Variants in PTPRG observed in about 807,000 individuals in gnomAD.
PTPRG encodes the protein receptor-type tyrosine-protein phosphatase gamma.
Under a neutral mutation model 165.3 loss-of-function variants are expected in PTPRG, and 102 were observed. That is an observed-to-expected ratio of 0.62 (90% CI 0.53 to 0.73). The LOEUF (loss-of-function observed/expected upper bound fraction) is 0.73. PTPRG is among the 30% of genes least tolerant of loss of function. PTPRG has a pLI of 0.00. For synonymous variants in PTPRG, 675 were observed against 669.5 expected (o/e 1.01, Z -0.13); for missense variants, 1,866 against 1,861.4 (o/e 1.00, Z -0.05).
chr3:61,668,560 G>T (rs1358318644), intron 1 of PTPRG, among the ~76,000 whole-genome samples: 2 of 152,214 alleles, frequency 1.3e-5, no homozygotes, highest in East Asian at 3.8e-4. Context: ...CTCAAGGTTA[G>T]GTGGGGGGAG....
intron 6 of PTPRG, 143 bp from the exon 7 acceptor site, chr3:62,156,924 A>G (rs1346960422): frequency 3.2e-5 from 24 of 756,854 alleles, no homozygotes; most frequent in Non-Finnish European, 5.1e-5. Flanking sequence ...CTCTCCCACC[A>G]CCAAATGCTA....
intron 2 of PTPRG, among the ~76,000 whole-genome samples, chr3:61,886,349 T>G (rs73842117): frequency 5.6e-4 from 85 of 152,332 alleles, no homozygotes; most frequent in African/African-American, 1.9e-3. Context: ...CATTGAGTTT[T>G]CAAGTCTCAA....
chr3:62,230,328 T>C (rs1418787893), intron 13 of PTPRG, among the ~76,000 whole-genome samples: 1 of 152,224 alleles, frequency 6.6e-6, no homozygotes, highest in Non-Finnish European at 1.5e-5. Flanking sequence ...GTTAACAAAA[T>C]GTTAACTCCT....
intron 1 of PTPRG, among the ~76,000 whole-genome samples, chr3:61,744,536 G>T (rs2033122867): frequency 6.6e-6 from 1 of 152,076 alleles, no homozygotes. Context: ...ACACATAAAA[G>T]GTACAGTAAA....
At chr3:61,846,050 C>T (rs1414302788) in intron 2 of PTPRG, among the ~76,000 whole-genome samples, 2 of 152,122 alleles carry the variant, frequency 1.3e-5, no homozygotes, top group Admixed American at 6.5e-5. Flanking sequence ...AGTGCTTAAC[C>T]TTTGAAAGCC....
chr3:61,809,048 G>T (rs2035497875), intron 2 of PTPRG, among the ~76,000 whole-genome samples: 1 of 149,134 alleles, frequency 6.7e-6, no homozygotes, highest in African/African-American at 2.5e-5. Context: ...TGTAAAATGG[G>T]GGTAATATAA....
intron 16 of PTPRG, among the ~76,000 whole-genome samples, chr3:62,257,284 A>G (rs1701559151): frequency 6.6e-6 from 1 of 152,228 alleles, no homozygotes; most frequent in African/African-American, 2.4e-5. Flanking sequence ...AATAGGCTAC[A>G]TAAGAAGCTA....
intron 2 of PTPRG, among the ~76,000 whole-genome samples, chr3:61,799,707 A>G (rs1402073550): frequency 2.6e-5 from 4 of 152,148 alleles, no homozygotes; most frequent in Non-Finnish European, 1.5e-5. Context: ...TCCTGGACTG[A>G]GTTGGTATTT....
rs181521727 is a variant in PTPRG at position 61,744,318 on chromosome 3, G to A, written c.86-4560G>A. ...AAATTATGTGAGTGCCAGTAATAAT[G>A]ATAATTAGTCCTCAGACGCTTTTGT... On this transcript the variant is annotated intron_variant, in intron 1 of 29. Transcript: ENST00000474889. 2.7e-3 allele frequency among the ~76,000 whole-genome samples: 417 copies of A among 152,312 alleles called. 1 individual carries two copies. Among genetic ancestry groups the A allele is most frequent in the African/African-American group, 9.8e-3 (407 of 41,578 alleles).
intron 2 of PTPRG, among the ~76,000 whole-genome samples, chr3:61,961,383 G>A (rs1310363116): frequency 6.6e-6 from 1 of 152,170 alleles, no homozygotes; most frequent in Non-Finnish European, 1.5e-5. Context: ...ACATGTGGTT[G>A]CAGGACACAC....
At chr3:62,118,631 A>T (rs1295885727) in intron 5 of PTPRG, 1 of 152,248 alleles carries the variant, frequency 6.6e-6, no homozygotes, top group Admixed American at 6.5e-5. Flanking sequence ...TTTCCTTCTT[A>T]ATTCCATACC....
intron 2 of PTPRG, among the ~76,000 whole-genome samples, chr3:61,865,089 T>G (rs1044817548): frequency 3.9e-5 from 6 of 152,180 alleles, no homozygotes; most frequent in Admixed American, 3.9e-4. Flanking sequence ...CTGGAAGTCA[T>G]TTTTGCTGAT....
intron 14 of PTPRG, among the ~76,000 whole-genome samples, chr3:62,241,508 T>C (rs1701160097): frequency 6.6e-6 from 1 of 152,152 alleles, no homozygotes; most frequent in African/African-American, 2.4e-5. Flanking sequence ...GAAAATCCAT[T>C]ATAAACAGCA....
At chr3:61,953,735 C>T (rs1032593187) in intron 2 of PTPRG, among the ~76,000 whole-genome samples, 11 of 151,512 alleles carry the variant, frequency 7.3e-5, no homozygotes, top group African/African-American at 1.2e-4. Context: ...TCTTTCAGCA[C>T]GTCAGTCATA....
Position 62,273,727 on chromosome 3 carries a change from G to A in PTPRG, c.3348G>A (p.Leu1116=). ...EEQYIFIHDA[L]LEAILGKETE... Reference sequence around the variant, plus strand: ...AGTACATTTTCATCCATGATGCCTTGTTGGAAGCCATTCTTGGAAAGGAGA... The same window carrying A: ...AGTACATTTTCATCCATGATGCCTTATTGGAAGCCATTCTTGGAAAGGAGA... The change falls in exon 23 of 30, where the codon TTG becomes TTA. Residue 1116 remains leucine (L), a synonymous_variant. Transcript: ENST00000474889. The surrounding 1 kb of genome is among the most constrained non-coding windows in gnomAD (Gnocchi z 4.1). 1 of 1,613,722 alleles carries A rather than the reference G, an allele frequency of 6.2e-7. No homozygotes were observed. The highest frequency in any genetic ancestry group is 8.5e-7 in the Non-Finnish European group (1 of 1,179,746).
At chr3:62,260,804 GATGAC>G (rs1701672796) in intron 16 of PTPRG, 1 of 152,152 alleles carries the variant, frequency 6.6e-6, no homozygotes, top group Non-Finnish European at 1.5e-5. Context: ...AGGAATTACA[GATGAC>G]ATTATTATCT....
intron 10 of PTPRG, among the ~76,000 whole-genome samples, chr3:62,196,768 C>T (rs960972066): frequency 6.6e-6 from 1 of 152,156 alleles, no homozygotes; most frequent in Non-Finnish European, 1.5e-5. Flanking sequence ...GCCAGGTTAA[C>T]CAGGCCAGTG....
chr3:61,889,413 G>A (rs984459865), intron 2 of PTPRG, among the ~76,000 whole-genome samples: 2 of 152,140 alleles, frequency 1.3e-5, no homozygotes, highest in Non-Finnish European at 1.5e-5. Flanking sequence ...CTCTCTTCAA[G>A]CTGATCATTG....
intron 4 of PTPRG, among the ~76,000 whole-genome samples, chr3:62,029,984 T>C (rs1699709419): frequency 6.6e-6 from 1 of 152,216 alleles, no homozygotes; most frequent in African/African-American, 2.4e-5. Context: ...GCTTTCATGA[T>C]TATCTTTACA....
Sources: gnomAD v4.1 joint callset for allele counts (sites outside exome capture counted in the v4.1 genomes callset) on GRCh38, gnomAD v4.1.1 for gene constraint, Gnocchi (gnomAD v3.1) non-coding constraint, MANE v1.5 for transcripts, NCBI Gene and HGNC (gene_info 2026-07-23, HGNC 2026-07-21) for gene names.